C1orf21: variants seen among roughly 807,000 people sequenced by gnomAD.
C1orf21 encodes uncharacterized protein C1orf21.
A neutral mutation model predicts 18.7 loss-of-function variants in C1orf21; 3 were observed. The observed-to-expected ratio is 0.16, with a 90% CI of 0.07 to 0.42. C1orf21 has a LOEUF of 0.42. C1orf21 is among the 10% of genes least tolerant of loss of function. C1orf21 has a pLI of 0.99. For missense variants in C1orf21, 104 were observed against 143.6 expected (o/e 0.72, Z 1.41); for synonymous variants, 41 against 46.4 (o/e 0.88, Z 0.47).
chr1:184,449,715 TTGTA>T (rs1292645902), intron 1 of C1orf21, among the ~76,000 whole-genome samples: 1 of 152,186 alleles, frequency 6.6e-6, no homozygotes, highest in African/African-American at 2.4e-5. Context: ...TGGAAAAGTC[TTGTA>T]TGTATCTCAA....
At position 184,564,804 on chromosome 1, in the gene C1orf21, C is replaced by T. The variant is rs1355629618; in HGVS notation, c.190-25935C>T. 3.3e-5 allele frequency among the ~76,000 whole-genome samples: 5 copies of T among 152,094 alleles called. 1 individual carries two copies. Among genetic ancestry groups the T allele is most frequent in the African/African-American group, 1.2e-4 (5 of 41,432 alleles). On this transcript the variant is annotated intron_variant, in intron 3 of 5. Transcript: ENST00000235307. ...ACCTTAGCTGGGGTCTTTTCTAATT[C>T]AGCTATCACAGGACACAGCGAGTCA...
At chr1:184,568,687 T>C (rs10911611) in intron 3 of C1orf21, among the ~76,000 whole-genome samples, 26,325 of 152,152 alleles carry the variant, frequency 0.17, 3,370 homozygotes, top group African/African-American at 0.35. Context: ...GCCCATGCAC[T>C]GGGGTGACTG....
At chr1:184,483,669 C>T (rs1657689353) in intron 2 of C1orf21, among the ~76,000 whole-genome samples, 1 of 152,180 alleles carries the variant, frequency 6.6e-6, no homozygotes, top group Admixed American at 6.5e-5. Context: ...GCAGTGTCCT[C>T]AGGAGGAATC....
chr1:184,435,289 C>T (rs1221515453), intron 1 of C1orf21, among the ~76,000 whole-genome samples: 1 of 152,088 alleles, frequency 6.6e-6, no homozygotes, highest in East Asian at 1.9e-4. Flanking sequence ...GGATATGGTT[C>T]AGGATGAAAG....
chr1:184,531,716 T>C lies in C1orf21; in HGVS notation c.189+24034T>C, dbSNP rs141927695. 4.7e-3 allele frequency among the ~76,000 whole-genome samples: 715 copies of C among 152,306 alleles called. 2 individuals are homozygous for C. The highest frequency in any genetic ancestry group is 6.7e-3 in the Admixed American group (103 of 15,300). On this transcript the variant is annotated intron_variant, in intron 3 of 5. Coordinates refer to ENST00000235307, the MANE Select transcript of C1orf21 (RefSeq NM_030806.4). ...GAGTGTTTATCATATGGAAGCCGAC[T>C]TTAAATTTCATTTCCTTCAGTTTTG... is the stretch of plus-strand genomic sequence containing the variant.
intron 5 of C1orf21, among the ~76,000 whole-genome samples, chr1:184,612,513 G>C (rs149706416): frequency 0.017 from 2,642 of 152,268 alleles, 83 homozygotes; most frequent in African/African-American, 0.06. Flanking sequence ...ATCAGCTGAG[G>C]TCAGGAGTTT....
intron 3 of C1orf21, among the ~76,000 whole-genome samples, chr1:184,531,895 A>G (rs1658467627): frequency 6.6e-6 from 1 of 152,158 alleles, no homozygotes; most frequent in African/African-American, 2.4e-5. Flanking sequence ...GTTACTCCCA[A>G]TGTTTATCTC....
chr1:184,545,038 C>T (rs1431005149), intron 3 of C1orf21, among the ~76,000 whole-genome samples: 1 of 152,170 alleles, frequency 6.6e-6, no homozygotes, highest in African/African-American at 2.4e-5. Flanking sequence ...TGGAAGTGGC[C>T]TACCATTATT....
At chr1:184,604,800 A>C (rs1659628097) in intron 5 of C1orf21, among the ~76,000 whole-genome samples, 3 of 152,238 alleles carry the variant, frequency 2.0e-5, no homozygotes, top group Admixed American at 2.0e-4. Flanking sequence ...TGAGTCTGTC[A>C]AGGAAAATGA....
At chr1:184,530,707 C>CT (rs1369605734) in intron 3 of C1orf21, among the ~76,000 whole-genome samples, 4 of 148,200 alleles carry the variant, frequency 2.7e-5, no homozygotes, top group Admixed American at 6.8e-5. Flanking sequence ...ACACTTATGA[C>CT]TTTTTTTTCC....
chr1:184,543,544 G>A (rs1218132018), intron 3 of C1orf21, among the ~76,000 whole-genome samples: 1 of 152,006 alleles, frequency 6.6e-6, no homozygotes, highest in African/African-American at 2.4e-5. Context: ...TTGGTTTTTG[G>A]CCCTTGGTAT....
chr1:184,591,996 A>G (rs1659445254), intron 4 of C1orf21, among the ~76,000 whole-genome samples: 1 of 152,158 alleles, frequency 6.6e-6, no homozygotes, highest in Non-Finnish European at 1.5e-5. Context: ...TGAAGTCAAA[A>G]AACAGACAGA....
intron 2 of C1orf21, among the ~76,000 whole-genome samples, chr1:184,494,293 G>T (rs1219809436): frequency 6.6e-6 from 1 of 152,204 alleles, no homozygotes; most frequent in Non-Finnish European, 1.5e-5. Context: ...TGCCAGTAGG[G>T]TGATGGGTGA....
intron 3 of C1orf21, chr1:184,567,825 T>G (rs1429731201): frequency 4.4e-6 from 1 of 225,058 alleles, no homozygotes; most frequent in East Asian, 1.4e-4. Context: ...AGCTTTTGTT[T>G]CCTGCAAGCC....
At chr1:184,574,162 GC>G (rs1258251905) in intron 3 of C1orf21, among the ~76,000 whole-genome samples, 7 of 152,150 alleles carry the variant, frequency 4.6e-5, no homozygotes, top group Non-Finnish European at 1.0e-4. Flanking sequence ...CTGAGATCAC[GC>G]CACTGCACTC....
chr1:184,548,335 A>G (rs1658759805), intron 3 of C1orf21, among the ~76,000 whole-genome samples: 1 of 151,226 alleles, frequency 6.6e-6, no homozygotes, highest in African/African-American at 2.4e-5. Flanking sequence ...ACCATCTGGC[A>G]GTGGTGCCTG....
At chr1:184,468,013 A>T (rs879759271) in intron 1 of C1orf21, among the ~76,000 whole-genome samples, 334 of 135,602 alleles carry the variant, frequency 2.5e-3, no homozygotes, top group Middle Eastern at 7.3e-3. Context: ...TGTGTGTGTG[A>T]GAGAGAGAGA....
At chr1:184,522,271 T>A (rs773891901) in intron 3 of C1orf21, among the ~76,000 whole-genome samples, 2 of 152,328 alleles carry the variant, frequency 1.3e-5, no homozygotes, top group East Asian at 3.9e-4. Flanking sequence ...TACATGTATT[T>A]ATACATGTGT....
intron 1 of C1orf21, among the ~76,000 whole-genome samples, chr1:184,411,709 A>T (rs907061738): frequency 5.3e-5 from 8 of 152,152 alleles, no homozygotes; most frequent in African/African-American, 1.9e-4. Context: ...GGCGTGAGCC[A>T]CCGCGCCCAG....
Sources: allele counts gnomAD v4.1 joint callset (sites outside exome capture counted in the v4.1 genomes callset), GRCh38; gene constraint gnomAD v4.1.1; transcripts MANE v1.5; gene names NCBI Gene and HGNC (gene_info 2026-07-23, HGNC 2026-07-21).